The following FMNL2 variants were observed in gnomAD, a reference collection of about 807,000 sequenced individuals.
FMNL2 encodes the protein formin like 2.
In FMNL2, 51 loss-of-function variants were observed where a neutral mutation model predicts 130.2. The observed-to-expected ratio is 0.39, with a 90% CI of 0.31 to 0.49. The LOEUF (loss-of-function observed/expected upper bound fraction) is 0.49. FMNL2 is among the 20% of genes least tolerant of loss of function. FMNL2 has a pLI of 0.85. For missense variants in FMNL2, 977 were observed against 1,316.2 expected (o/e 0.74, Z 3.99); for synonymous variants, 465 against 467.1 (o/e 1.00, Z 0.06).
chr2:152,642,405 T>C (rs1246570386), intron 25 of FMNL2, among the ~76,000 whole-genome samples: 2 of 152,234 alleles, frequency 1.3e-5, no homozygotes, highest in Non-Finnish European at 2.9e-5. Flanking sequence ...ATGAATTCCC[T>C]TCCAGATTAA....
At chr2:152,384,641 G>A (rs1323637896) in intron 1 of FMNL2, among the ~76,000 whole-genome samples, 6 of 152,102 alleles carry the variant, frequency 3.9e-5, no homozygotes, top group Admixed American at 1.3e-4. Flanking sequence ...TCTTCTCCTC[G>A]GTTCAGTGGA....
intron 1 of FMNL2, among the ~76,000 whole-genome samples, chr2:152,409,905 A>AAATTG (rs536431291): frequency 6.6e-6 from 1 of 152,326 alleles, no homozygotes; most frequent in African/African-American, 2.4e-5. Context: ...AAATAAAGAA[A>AAATTG]AATTGACCCA....
At chr2:152,618,374 T>A (rs1699062902) in intron 13 of FMNL2, among the ~76,000 whole-genome samples, 1 of 152,196 alleles carries the variant, frequency 6.6e-6, no homozygotes, top group Non-Finnish European at 1.5e-5. Flanking sequence ...TGGTTACTCA[T>A]GAGTAGATTA....
At chr2:152,543,771 AT>A (rs1488197630) in intron 3 of FMNL2, among the ~76,000 whole-genome samples, 2 of 145,534 alleles carry the variant, frequency 1.4e-5, no homozygotes, top group Non-Finnish European at 3.0e-5. Flanking sequence ...GAGAACAGCT[AT>A]TATTTCCTTT....
At chr2:152,640,150 G>A in intron 24 of FMNL2, 94 bp downstream of exon 24, 1 of 1,102,330 alleles carries the variant, frequency 9.1e-7, no homozygotes, top group South Asian at 1.7e-5. Flanking sequence ...AGCCAGGTGT[G>A]CCCAGGATCC....
intron 1 of FMNL2, among the ~76,000 whole-genome samples, chr2:152,412,137 G>A (rs1383272634): frequency 1.3e-5 from 2 of 151,972 alleles, no homozygotes; most frequent in African/African-American, 2.4e-5. Context: ...ACTCATTAAA[G>A]CCTTCTCTGA....
At chr2:152,365,084 A>G (rs1028363225) in intron 1 of FMNL2, among the ~76,000 whole-genome samples, 17 of 152,258 alleles carry the variant, frequency 1.1e-4, no homozygotes, top group African/African-American at 4.1e-4. Context: ...TAGAGTATAA[A>G]GAGATGAAAA....
intron 1 of FMNL2, among the ~76,000 whole-genome samples, chr2:152,507,054 G>A (rs1214806782): frequency 2.6e-5 from 4 of 152,206 alleles, no homozygotes; most frequent in Admixed American, 6.5e-5. Context: ...GAAATGTTGC[G>A]TGACTCAGGG....
At chr2:152,491,479 C>G (rs1286528539) in intron 1 of FMNL2, among the ~76,000 whole-genome samples, 1 of 152,214 alleles carries the variant, frequency 6.6e-6, no homozygotes, top group Admixed American at 6.5e-5. Context: ...GGCTGGGTCT[C>G]TGGATCACTA....
chr2:152,415,945 G>A (rs948238589), intron 1 of FMNL2, among the ~76,000 whole-genome samples: 3 of 152,194 alleles, frequency 2.0e-5, no homozygotes, highest in Non-Finnish European at 2.9e-5. Flanking sequence ...AAGTGCAAGA[G>A]CTGAATTCAG....
intron 1 of FMNL2, among the ~76,000 whole-genome samples, chr2:152,461,117 A>G (rs888764583): frequency 1.3e-5 from 2 of 152,224 alleles, no homozygotes; most frequent in Non-Finnish European, 2.9e-5. Context: ...CCTTCAAAGA[A>G]TTGATAATTT....
At chr2:152,411,446 T>C (rs528893511) in intron 1 of FMNL2, among the ~76,000 whole-genome samples, 16 of 152,326 alleles carry the variant, frequency 1.1e-4, no homozygotes, top group Admixed American at 3.3e-4. Flanking sequence ...TCTTTGCTTA[T>C]ATTATCCATG....
intron 1 of FMNL2, among the ~76,000 whole-genome samples, chr2:152,454,623 C>T (rs1239484491): frequency 1.3e-5 from 2 of 152,170 alleles, no homozygotes; most frequent in East Asian, 3.8e-4. Context: ...ATTTCTGCCA[C>T]CTTCCTGGAG....
At chr2:152,447,288 A>C (rs989484021) in intron 1 of FMNL2, among the ~76,000 whole-genome samples, 1 of 152,038 alleles carries the variant, frequency 6.6e-6, no homozygotes, top group African/African-American at 2.4e-5. Context: ...GTTTTTACAG[A>C]GATGAAGTCT....
chr2:152,457,201 G>C (rs1417185232), intron 1 of FMNL2, among the ~76,000 whole-genome samples: 1 of 151,530 alleles, frequency 6.6e-6, no homozygotes. Context: ...AAAAAAAAAA[G>C]TTGAGAAATT....
chr2:152,643,674 A>G, intron 25 of FMNL2: 1 of 1,437,074 alleles, frequency 7.0e-7, no homozygotes, highest in Non-Finnish European at 9.1e-7. Flanking sequence ...ATGGTTTTGC[A>G]TTTCAATTAT....
At chr2:152,383,799 T>C (rs1187924962) in intron 1 of FMNL2, among the ~76,000 whole-genome samples, 1 of 152,168 alleles carries the variant, frequency 6.6e-6, no homozygotes, top group Non-Finnish European at 1.5e-5. Context: ...TCTTCAAGGG[T>C]TTTATTTATG....
intron 1 of FMNL2, among the ~76,000 whole-genome samples, chr2:152,391,338 C>T (rs186909773): frequency 2.6e-5 from 4 of 152,300 alleles, no homozygotes; most frequent in Admixed American, 2.0e-4. Context: ...TCACAACAAA[C>T]ACAGATAAAA....
At chr2:152,508,575 G>A (rs1423973268) in intron 1 of FMNL2, among the ~76,000 whole-genome samples, 1 of 152,242 alleles carries the variant, frequency 6.6e-6, no homozygotes, top group Non-Finnish European at 1.5e-5. Flanking sequence ...CATCTCTTGA[G>A]TGATGGGGGC....
Sources: gnomAD v4.1 joint callset for allele counts (sites outside exome capture counted in the v4.1 genomes callset) on GRCh38, gnomAD v4.1.1 for gene constraint, MANE v1.5 for transcripts, NCBI Gene and HGNC (gene_info 2026-07-23, HGNC 2026-07-21) for gene names.